The following RIMS2 variants were observed in gnomAD, a reference collection of about 807,000 sequenced individuals.
The protein encoded by RIMS2 is regulating synaptic membrane exocytosis protein 2.
A neutral mutation model predicts 174.4 loss-of-function variants in RIMS2; 59 were observed. That is an observed-to-expected ratio of 0.34 (90% confidence interval 0.27 to 0.42). The LOEUF (loss-of-function observed/expected upper bound fraction) is 0.42, where lower values mean the gene tolerates loss of function less well. Among genes scored for constraint, RIMS2 ranks in the 10% least tolerant of loss-of-function variants. The pLI is 1.00. For synonymous variants in RIMS2, 606 were observed against 572.5 expected (o/e 1.06, Z -0.84); for missense variants, 1,620 against 1,666.3 (o/e 0.97, Z 0.48).
At chr8:104,216,274 C>T (rs1341905910) in intron 19 of RIMS2, among the ~76,000 whole-genome samples, 2 of 152,274 alleles carry the variant, frequency 1.3e-5, no homozygotes, top group South Asian at 2.1e-4. Context: ...GTAATCCCAG[C>T]ACTTTAGGAG....
intron 3 of RIMS2, among the ~76,000 whole-genome samples, chr8:103,871,092 G>A (rs1490993324): frequency 1.1e-4 from 17 of 152,102 alleles, no homozygotes; most frequent in Admixed American, 6.6e-4. Flanking sequence ...AAAGAAGTAT[G>A]ATATAAATAA....
At chr8:103,932,667 A>G (rs1171306199) in intron 12 of RIMS2, among the ~76,000 whole-genome samples, 1 of 152,194 alleles carries the variant, frequency 6.6e-6, no homozygotes, top group Admixed American at 6.5e-5. Flanking sequence ...TAAGACGATT[A>G]AAGTCTTGCA....
In RIMS2 at chr8:104,038,655, T is replaced by C. The variant is rs561469893; in HGVS notation, c.3334+24040T>C. ...GTCTGCTATTCATTATAATACTATA[T>C]GCAAAATAAATACTTACAGCATATT... is the stretch of plus-strand genomic sequence containing the variant. On this transcript the variant is annotated intron_variant, in intron 19 of 23. Coordinates refer to ENST00000504942, the Ensembl canonical transcript of RIMS2. Among the ~76,000 whole-genome samples the C allele has an allele frequency of 1.6e-4, 24 of 152,048 alleles. No individual in the cohort carries two copies. The South Asian group carries it at 4.8e-3, about 30-fold the overall frequency.
intron 1 of RIMS2, among the ~76,000 whole-genome samples, chr8:103,605,620 C>T (rs2095029687): frequency 6.6e-6 from 1 of 151,894 alleles, no homozygotes; most frequent in Non-Finnish European, 1.5e-5. Context: ...GCTGTGAATC[C>T]ATCTGGTCCT....
At chr8:103,508,891 G>T (rs1825069593) in intron 1 of RIMS2, among the ~76,000 whole-genome samples, 1 of 151,976 alleles carries the variant, frequency 6.6e-6, no homozygotes, top group Admixed American at 6.6e-5. Context: ...TAAGGGTCAG[G>T]TAAACTCTTA....
At chr8:103,591,544 T>G (rs1453541685) in intron 1 of RIMS2, among the ~76,000 whole-genome samples, 2 of 151,278 alleles carry the variant, frequency 1.3e-5, no homozygotes, top group African/African-American at 4.8e-5. Context: ...GTTTAACTTT[T>G]ATGTTTAGGT....
chr8:104,250,422 T>A lies in RIMS2; in HGVS notation c.3692-602T>A, dbSNP rs181026936. Among the ~76,000 whole-genome samples the A allele has an allele frequency of 3.0e-3, 455 of 152,296 alleles. 3 individuals are homozygous for A. Among genetic ancestry groups the A allele is most frequent in the African/African-American group, 9.2e-3 (382 of 41,570 alleles). Reference sequence around the variant, plus strand: ...GGCACTGGTGATTAAGACAGTTGTGTTTATATATGTCTTAGAGCTAGTCAA... The same window carrying A: ...GGCACTGGTGATTAAGACAGTTGTGATTATATATGTCTTAGAGCTAGTCAA... On this transcript the variant is annotated intron_variant, in intron 22 of 23. Transcript: ENST00000504942.
At chr8:103,904,902 A>C (rs528041825) in intron 4 of RIMS2, among the ~76,000 whole-genome samples, 2 of 151,118 alleles carry the variant, frequency 1.3e-5, no homozygotes, top group Admixed American at 1.3e-4. Context: ...GTTTAAGTGT[A>C]TTTCTTTTTG....
chr8:104,170,285 A>G (rs1278699688), intron 19 of RIMS2, among the ~76,000 whole-genome samples: 1 of 151,994 alleles, frequency 6.6e-6, no homozygotes, highest in Non-Finnish European at 1.5e-5. Flanking sequence ...ACCGCCTATT[A>G]TTGTGTTGCT....
chr8:103,922,155 AAAGT>A (rs1187939304), intron 10 of RIMS2: 11 of 160,328 alleles, frequency 6.9e-5, no homozygotes, highest in Admixed American at 3.0e-4. Context: ...ATTTCAGATA[AAAGT>A]AAACATGTAT....
At chr8:104,119,851 C>T (rs762507898) in intron 19 of RIMS2, among the ~76,000 whole-genome samples, 9 of 152,144 alleles carry the variant, frequency 5.9e-5, no homozygotes, top group Non-Finnish European at 1.2e-4. Flanking sequence ...AAAAGGGACA[C>T]ATCTTGTTGC....
intron 1 of RIMS2, among the ~76,000 whole-genome samples, chr8:103,508,377 A>C (rs189636471): frequency 6.6e-6 from 1 of 151,540 alleles, no homozygotes; most frequent in Admixed American, 6.6e-5. Context: ...TGATGAGTAG[A>C]TGTTAGCTGG....
At chr8:103,883,912 G>C (rs1025674221) in intron 3 of RIMS2, among the ~76,000 whole-genome samples, 1 of 151,816 alleles carries the variant, frequency 6.6e-6, no homozygotes, top group African/African-American at 2.4e-5. Context: ...CAGCTTTCTA[G>C]TGTCCATTTT....
At position 103,671,906 on chromosome 8, in the gene RIMS2, A is replaced by G. The variant is rs1486610727; in HGVS notation, c.177-25180A>G. On this transcript the variant is annotated intron_variant, in intron 1 of 23. Coordinates refer to ENST00000504942, the Ensembl canonical transcript of RIMS2. ...CTTCCCATATGCTTTAACATACCAA[A>G]TAAGCCTGTTCATCTCTCTTTTGAA... Among the ~76,000 whole-genome samples the G allele has an allele frequency of 2.0e-5, 3 of 152,192 alleles. No homozygotes were observed. The East Asian group carries it at 5.8e-4, about 29-fold the overall frequency.
intron 19 of RIMS2, among the ~76,000 whole-genome samples, chr8:104,110,674 A>G (rs1237247543): frequency 6.6e-6 from 1 of 152,190 alleles, no homozygotes; most frequent in Non-Finnish European, 1.5e-5. Flanking sequence ...TTAGAAATAT[A>G]AAATTGAATC....
chr8:103,829,984 T>C (rs1017922361), intron 3 of RIMS2, among the ~76,000 whole-genome samples: 4 of 152,232 alleles, frequency 2.6e-5, no homozygotes, highest in African/African-American at 9.6e-5. Flanking sequence ...TGGTCAGTTA[T>C]GTTTTTCAGT....
intron 21 of RIMS2, 114 bp downstream of exon 27, chr8:104,248,927 C>A (rs2099349451): frequency 3.7e-6 from 2 of 537,682 alleles, no homozygotes; most frequent in South Asian, 4.3e-5. Context: ...CTCTCTCTCT[C>A]CCTCTATTTT....
intron 19 of RIMS2, among the ~76,000 whole-genome samples, chr8:104,123,743 A>C (rs2098404804): frequency 6.6e-6 from 1 of 152,152 alleles, no homozygotes; most frequent in African/African-American, 2.4e-5. Context: ...TTCAAAGCTC[A>C]AAATGCAAAT....
chr8:104,181,994 G>C (rs983161803), intron 19 of RIMS2, among the ~76,000 whole-genome samples: 2 of 151,626 alleles, frequency 1.3e-5, no homozygotes, highest in African/African-American at 4.8e-5. Flanking sequence ...TTAACTGGTA[G>C]ACTTTTGCTT....
Sources: gnomAD v4.1 joint callset for allele counts (sites outside exome capture counted in the v4.1 genomes callset) on GRCh38, gnomAD v4.1.1 for gene constraint, MANE v1.5 for transcripts, NCBI Gene and HGNC (gene_info 2026-07-23, HGNC 2026-07-21) for gene names.